Variants in CLVS2 observed in about 807,000 individuals in gnomAD.
CLVS2 encodes the protein clavesin 2, also known as clavesin-2.
In CLVS2, 19 loss-of-function variants were observed where a neutral mutation model predicts 29.0. That is an observed-to-expected ratio of 0.66 (90% CI 0.46 to 0.96). CLVS2 has a LOEUF of 0.96. Among genes scored for constraint, CLVS2 ranks in the 40% least tolerant of loss-of-function variants. CLVS2 has a pLI of 0.00. For missense variants in CLVS2, 294 were observed against 404.1 expected (o/e 0.73, Z 2.34); for synonymous variants, 161 against 151.3 (o/e 1.06, Z -0.47).
intron 3 of CLVS2, among the ~76,000 whole-genome samples, chr6:123,015,248 A>G (rs1192150108): frequency 6.6e-6 from 1 of 151,992 alleles, no homozygotes; most frequent in Admixed American, 6.6e-5. Context: ...ACTGCATACT[A>G]TATGGTGTGG....
chr6:123,044,357 A>G (rs1183494961), intron 3 of CLVS2, among the ~76,000 whole-genome samples: 2 of 152,232 alleles, frequency 1.3e-5, no homozygotes, highest in East Asian at 3.9e-4. Context: ...CGCTTTAGAT[A>G]GATCTCAATC....
chr6:123,057,025 A>G (rs1772702101), intron 5 of CLVS2, among the ~76,000 whole-genome samples: 1 of 152,226 alleles, frequency 6.6e-6, no homozygotes, highest in South Asian at 2.1e-4. Context: ...GCACAAATGC[A>G]TACCTGGCTC....
intron 3 of CLVS2, among the ~76,000 whole-genome samples, chr6:123,022,488 C>A (rs1417381740): frequency 6.6e-6 from 1 of 151,848 alleles, no homozygotes; most frequent in Non-Finnish European, 1.5e-5. Context: ...TTTACCTTAG[C>A]ATAATGGTGG....
chr6:123,036,436 A>G (rs1048118301), intron 3 of CLVS2, among the ~76,000 whole-genome samples: 1 of 152,196 alleles, frequency 6.6e-6, no homozygotes, highest in Non-Finnish European at 1.5e-5. Flanking sequence ...AAAGCTCAGT[A>G]AAATCTTTGA....
At chr6:123,020,454 T>C (rs1366679269) in intron 3 of CLVS2, among the ~76,000 whole-genome samples, 1 of 152,102 alleles carries the variant, frequency 6.6e-6, no homozygotes, top group Non-Finnish European at 1.5e-5. Flanking sequence ...AAATTTGGGA[T>C]TCAGTTGTCA....
At chr6:122,999,325 T>A (rs1189715055) in intron 2 of CLVS2, among the ~76,000 whole-genome samples, 2 of 152,204 alleles carry the variant, frequency 1.3e-5, no homozygotes, top group African/African-American at 4.8e-5. Flanking sequence ...TTAATATTTT[T>A]AATTATTTTT....
At chr6:123,052,984 A>G (rs1301979469) in intron 4 of CLVS2, among the ~76,000 whole-genome samples, 1 of 150,048 alleles carries the variant, frequency 6.7e-6, no homozygotes, top group Non-Finnish European at 1.5e-5. Flanking sequence ...AGAAATCACC[A>G]ATGAGAAAAT....
At chr6:123,042,201 T>C (rs896208597) in intron 3 of CLVS2, among the ~76,000 whole-genome samples, 1 of 152,250 alleles carries the variant, frequency 6.6e-6, no homozygotes, top group Non-Finnish European at 1.5e-5. Context: ...CAGTGTTGTA[T>C]ATCTCTAGAG....
intron 3 of CLVS2, among the ~76,000 whole-genome samples, chr6:123,017,017 G>A (rs1774845071): frequency 1.3e-5 from 2 of 151,900 alleles, no homozygotes; most frequent in Admixed American, 1.3e-4. Flanking sequence ...CTTCACTATA[G>A]CATTTGCTTA....
intron 5 of CLVS2, among the ~76,000 whole-genome samples, chr6:123,058,400 C>T (rs1218348415): frequency 2.0e-5 from 3 of 152,152 alleles, no homozygotes; most frequent in African/African-American, 4.8e-5. Context: ...TAATGAGGCC[C>T]TTTTTCTTCA....
Position 123,070,089 on chromosome 6 carries a change from A to G in CLVS2, c.*6328A>G, listed in dbSNP as rs1455748589. On this transcript the variant is annotated 3_prime_UTR_variant, in exon 6 of 6. Transcript: ENST00000275162. ...TAATTATTAAGTTTTAGTGCTAGAA[A>G]AATTGTTGTTTTTTGTGTTTTGTAT... The G allele has an allele frequency of 6.6e-6, 1 of 151,916 alleles. No homozygotes were observed. The highest frequency in any genetic ancestry group is 6.6e-5 in the Admixed American group (1 of 15,204). The allele number at this position is 151,916 out of a possible 1,614,324, so 9.4% of individuals were successfully genotyped here.
intron 3 of CLVS2, among the ~76,000 whole-genome samples, chr6:123,014,379 A>T (rs998055060): frequency 3.3e-5 from 5 of 152,030 alleles, no homozygotes; most frequent in Admixed American, 6.6e-5. Flanking sequence ...CCTGGCTAGC[A>T]CCATATACCT....
At chr6:123,025,216 G>T (rs533833440) in intron 3 of CLVS2, among the ~76,000 whole-genome samples, 4 of 152,028 alleles carry the variant, frequency 2.6e-5, no homozygotes, top group African/African-American at 9.7e-5. Context: ...CAATATCCGG[G>T]GACCTGGAAA....
intron 5 of CLVS2, among the ~76,000 whole-genome samples, chr6:123,056,883 A>G (rs545519357): frequency 6.6e-6 from 1 of 152,176 alleles, no homozygotes; most frequent in Non-Finnish European, 1.5e-5. Flanking sequence ...GGTACAAAAC[A>G]TTGTATTTCA....
chr6:123,060,096 A>G (rs1772753766), intron 5 of CLVS2, among the ~76,000 whole-genome samples: 2 of 152,236 alleles, frequency 1.3e-5, no homozygotes, highest in African/African-American at 4.8e-5. Context: ...CCTATGTTCC[A>G]CACTGATTCC....
At chr6:122,996,776 G>T in intron 1 of CLVS2, 30 bp downstream of exon 1, 2 of 166,340 alleles carry the variant, frequency 1.2e-5, no homozygotes. Context: ...CTTCTTTCTT[G>T]CTTTGGGGTT....
chr6:123,023,831 C>T (rs574032874), intron 3 of CLVS2, among the ~76,000 whole-genome samples: 1 of 152,168 alleles, frequency 6.6e-6, no homozygotes, highest in African/African-American at 2.4e-5. Context: ...GAATACTTAA[C>T]TGATGGAAGT....
At chr6:123,063,517 T>C (rs1772809331) in intron 5 of CLVS2, among the ~76,000 whole-genome samples, 157 bp from the exon 6 acceptor site, 1 of 152,034 alleles carries the variant, frequency 6.6e-6, no homozygotes. Flanking sequence ...CCAGCAGTGG[T>C]TTTTCTCTAA....
At chr6:123,003,352 ATAGT>A (rs757456580) in intron 2 of CLVS2, among the ~76,000 whole-genome samples, 14 of 152,346 alleles carry the variant, frequency 9.2e-5, no homozygotes, top group Non-Finnish European at 2.1e-4. Context: ...ACATGAGCCA[ATAGT>A]TAGTATATTA....
Sources: gnomAD v4.1 joint callset for allele counts (sites outside exome capture counted in the v4.1 genomes callset) on GRCh38, gnomAD v4.1.1 for gene constraint, MANE v1.5 for transcripts, NCBI Gene and HGNC (gene_info 2026-07-23, HGNC 2026-07-21) for gene names.